RSU1: variants seen among roughly 807,000 people sequenced by gnomAD.
RSU1 encodes rsu-1.
Under a neutral mutation model 31.1 loss-of-function variants are expected in RSU1, and 26 were observed. That is an observed-to-expected ratio of 0.84 (90% CI 0.61 to 1.16). The LOEUF (loss-of-function observed/expected upper bound fraction) is 1.16. Among genes scored for constraint, RSU1 ranks in the 50% most tolerant of loss-of-function variants. The pLI is 0.00. For synonymous variants in RSU1, 164 were observed against 136.3 expected, an observed-to-expected ratio of 1.20 and a Z score of -1.41; for missense variants, 320 against 339.1, an observed-to-expected ratio of 0.94 and a Z score of 0.44.
At chr10:16,777,953 C>A (rs193139132) in intron 3 of RSU1, among the ~76,000 whole-genome samples, 93 of 150,960 alleles carry the variant, frequency 6.2e-4, no homozygotes, top group South Asian at 2.3e-3. Flanking sequence ...CACAGCCCAT[C>A]ATTCCTTGGC....
intron 7 of RSU1, among the ~76,000 whole-genome samples, chr10:16,696,244 C>G (rs1336293516): frequency 2.0e-5 from 3 of 152,180 alleles, no homozygotes; most frequent in African/African-American, 7.2e-5. Flanking sequence ...AAGTTACGTG[C>G]TGTTGCTGTT....
At chr10:16,722,840 GTA>G (rs1272837105) in intron 7 of RSU1, among the ~76,000 whole-genome samples, 23 of 105,174 alleles carry the variant, frequency 2.2e-4, no homozygotes, top group Non-Finnish European at 4.8e-4. Flanking sequence ...CCACATATAT[GTA>G]TATATACACA....
chr10:16,721,050 A>G (rs948979726), intron 7 of RSU1, among the ~76,000 whole-genome samples: 1 of 152,232 alleles, frequency 6.6e-6, no homozygotes, highest in Non-Finnish European at 1.5e-5. Context: ...CTGGTTCATC[A>G]AAGTACATTT....
chr10:16,795,895 G>A (rs995663680), intron 2 of RSU1, among the ~76,000 whole-genome samples: 1 of 152,142 alleles, frequency 6.6e-6, no homozygotes, highest in Non-Finnish European at 1.5e-5. Flanking sequence ...GATGTCAGAC[G>A]TTTCTCTATC....
At chr10:16,629,963 T>C (rs1003046370) in intron 8 of RSU1, among the ~76,000 whole-genome samples, 1 of 152,210 alleles carries the variant, frequency 6.6e-6, no homozygotes, top group African/African-American at 2.4e-5. Context: ...CAAGAAATTA[T>C]AAATTACTTA....
At chr10:16,598,768 A>G (rs759847377) in intron 8 of RSU1, among the ~76,000 whole-genome samples, 1 of 152,174 alleles carries the variant, frequency 6.6e-6, no homozygotes, top group Admixed American at 6.5e-5. Context: ...ACTGTCAGGT[A>G]ATACATTCGT....
At chr10:16,667,169 T>G (rs1835009743) in intron 8 of RSU1, among the ~76,000 whole-genome samples, 1 of 152,226 alleles carries the variant, frequency 6.6e-6, no homozygotes, top group African/African-American at 2.4e-5. Flanking sequence ...ATACTTTAGC[T>G]GTCTGTTAGT....
At chr10:16,610,994 T>C (rs1279006466) in intron 8 of RSU1, among the ~76,000 whole-genome samples, 1 of 152,200 alleles carries the variant, frequency 6.6e-6, no homozygotes, top group Non-Finnish European at 1.5e-5. Flanking sequence ...AGCCCGTAAA[T>C]GCTACTTGGT....
intron 4 of RSU1, among the ~76,000 whole-genome samples, chr10:16,755,921 ATTTT>A (rs1006636708): frequency 1.3e-5 from 2 of 152,206 alleles, no homozygotes; most frequent in Admixed American, 6.5e-5. Context: ...CTTAGCTGTT[ATTTT>A]CCTCCAACGG....
rs185641951 is a variant in RSU1 at position 16,772,024 on chromosome 10, C to T, written c.161-7514G>A. Among the ~76,000 whole-genome samples, 366 of 152,330 alleles carry T rather than the reference C, an allele frequency of 2.4e-3. 2 individuals carry two copies. Among genetic ancestry groups the T allele is most frequent in the African/African-American group, 7.9e-3 (329 of 41,564 alleles). ...TGGGGACCTGTGCCCCAAAAGCACA[C>T]GCTCACTCTATGCTATCATGAGCTG... On this transcript the variant is annotated intron_variant, in intron 3 of 8. Coordinates refer to ENST00000345264, the MANE Select transcript of RSU1 (RefSeq NM_012425.4).
intron 8 of RSU1, among the ~76,000 whole-genome samples, chr10:16,619,947 A>G (rs1163059209): frequency 6.6e-6 from 1 of 152,212 alleles, no homozygotes; most frequent in African/African-American, 2.4e-5. Context: ...ACCAGTAACA[A>G]TCACAGGGTG....
chr10:16,731,424 C>T (rs946241402), intron 7 of RSU1, among the ~76,000 whole-genome samples: 3 of 137,318 alleles, frequency 2.2e-5, no homozygotes, highest in African/African-American at 6.4e-5. Flanking sequence ...AGCGACACTC[C>T]GTCTCAAAAA....
intron 2 of RSU1, among the ~76,000 whole-genome samples, chr10:16,789,452 C>G (rs1217487505): frequency 6.6e-6 from 1 of 152,194 alleles, no homozygotes; most frequent in Non-Finnish European, 1.5e-5. Flanking sequence ...AATCAACAGA[C>G]CCCCACAAAG....
Position 16,756,899 on chromosome 10 carries a change from T to A in RSU1, c.282-1910A>T, listed in dbSNP as rs189931079. On this transcript the variant is annotated intron_variant, in intron 4 of 8. Transcript: ENST00000345264. ...GGTGTTTCGTGTGGTGTGTGAGGGGTGGGGTGTGGTGTGTGAAGGACGTGG... is the reference window on the plus strand; with the variant it reads ...GGTGTTTCGTGTGGTGTGTGAGGGGAGGGGTGTGGTGTGTGAAGGACGTGG... Among the ~76,000 whole-genome samples the A allele has an allele frequency of 4.2e-3, 365 of 87,830 alleles. 3 individuals carry two copies. Among genetic ancestry groups the A allele is most frequent in the African/African-American group, 0.015 (332 of 22,016 alleles). 57.6% of individuals were successfully genotyped at this position (87,830 alleles called of 152,430 possible).
intron 8 of RSU1, among the ~76,000 whole-genome samples, chr10:16,643,229 A>T (rs539105993): frequency 6.6e-6 from 1 of 152,318 alleles, no homozygotes; most frequent in African/African-American, 2.4e-5. Context: ...CAATTTATAG[A>T]AGAGCATGGA....
At chr10:16,620,320 ACGG>A (rs1834047216) in intron 8 of RSU1, among the ~76,000 whole-genome samples, 1 of 152,156 alleles carries the variant, frequency 6.6e-6, no homozygotes, top group Non-Finnish European at 1.5e-5. Context: ...GTAATTTCTC[ACGG>A]AGTTTTCTTG....
chr10:16,682,571 CAT>C (rs1564315219), intron 8 of RSU1, among the ~76,000 whole-genome samples: 1 of 147,666 alleles, frequency 6.8e-6, no homozygotes, highest in Non-Finnish European at 1.5e-5. Context: ...CACACACACA[CAT>C]GCATGCATGT....
chr10:16,594,322 G>A (rs1833567910), intron 8 of RSU1, among the ~76,000 whole-genome samples: 1 of 152,178 alleles, frequency 6.6e-6, no homozygotes, highest in South Asian at 2.1e-4. Context: ...CCCTGTACCA[G>A]GTGGCCCAGC....
chr10:16,725,885 AAAAT>A (rs1305641644), intron 7 of RSU1, among the ~76,000 whole-genome samples: 1 of 149,774 alleles, frequency 6.7e-6, no homozygotes. Context: ...GAAATAAACA[AAAAT>A]AAAATTCTTG....
Sources: gnomAD v4.1 joint callset for allele counts (sites outside exome capture counted in the v4.1 genomes callset) on GRCh38, gnomAD v4.1.1 for gene constraint, MANE v1.5 for transcripts, NCBI Gene and HGNC (gene_info 2026-07-23, HGNC 2026-07-21) for gene names.